Variants in ZSWIM6 observed in about 807,000 individuals in gnomAD.
ZSWIM6 encodes the protein zinc finger SWIM domain-containing protein 6.
In ZSWIM6, 9 loss-of-function variants were observed where a neutral mutation model predicts 113.2. That is an observed-to-expected ratio of 0.08 (90% confidence interval 0.05 to 0.14). The LOEUF (loss-of-function observed/expected upper bound fraction) is 0.14, where lower values mean the gene tolerates loss of function less well. ZSWIM6 is among the 10% of genes least tolerant of loss of function. ZSWIM6 has a pLI of 1.00. For synonymous variants in ZSWIM6, 611 were observed against 606.5 expected (o/e 1.01, Z -0.11); for missense variants, 1,162 against 1,552.2 (o/e 0.75, Z 4.22).
intron 1 of ZSWIM6, among the ~76,000 whole-genome samples, chr5:61,384,114 G>C (rs1043668060): frequency 1.1e-4 from 16 of 150,714 alleles, no homozygotes; most frequent in African/African-American, 3.9e-4. Context: ...GGTGGCGGGC[G>C]CCTGTAGTCC....
rs76205304 is a variant in ZSWIM6, at chr5:61,461,817, A to G, written c.677-10864A>G. ...CCCCCCAACCAACTAAAGCAAGGAA[A>G]ATAAAATATTACCTGTAATTACAGT... On this transcript the variant is annotated intron_variant, in intron 1 of 13. Coordinates refer to ENST00000252744, the MANE Select transcript of ZSWIM6 (RefSeq NM_020928.2). Among the ~76,000 whole-genome samples the G allele has an allele frequency of 6.1e-3, 926 of 152,324 alleles. 12 individuals carry two copies. Among genetic ancestry groups the G allele is most frequent in the African/African-American group, 0.021 (866 of 41,576 alleles).
intron 1 of ZSWIM6, among the ~76,000 whole-genome samples, chr5:61,462,203 C>T (rs1747335774): frequency 6.6e-6 from 1 of 152,190 alleles, no homozygotes; most frequent in African/African-American, 2.4e-5. Flanking sequence ...TACTAGTCTC[C>T]TTACTCTTGC....
intron 4 of ZSWIM6, among the ~76,000 whole-genome samples, chr5:61,506,481 G>T (rs1270013117): frequency 6.6e-6 from 1 of 151,948 alleles, no homozygotes; most frequent in Non-Finnish European, 1.5e-5. Context: ...TACTTGGGAG[G>T]CTAAGGTAGG....
At chr5:61,444,416 G>A (rs746420116) in intron 1 of ZSWIM6, among the ~76,000 whole-genome samples, 22 of 151,936 alleles carry the variant, frequency 1.4e-4, no homozygotes, top group Non-Finnish European at 1.6e-4. Context: ...ATACGTGTGC[G>A]TGTGTCTTTA....
chr5:61,419,138 G>A (rs1279289145), intron 1 of ZSWIM6, among the ~76,000 whole-genome samples: 1 of 152,168 alleles, frequency 6.6e-6, no homozygotes, highest in Non-Finnish European at 1.5e-5. Flanking sequence ...TTATAACTTA[G>A]TTGGGTTAGT....
chr5:61,482,042 A>G (rs1232227177), intron 2 of ZSWIM6, among the ~76,000 whole-genome samples: 1 of 152,224 alleles, frequency 6.6e-6, no homozygotes, highest in Non-Finnish European at 1.5e-5. Context: ...GGGAATATCT[A>G]ACAGCAAATG....
intron 4 of ZSWIM6, among the ~76,000 whole-genome samples, chr5:61,508,031 C>CT (rs1420899707): frequency 6.6e-6 from 1 of 152,136 alleles, no homozygotes; most frequent in East Asian, 1.9e-4. Context: ...TCCTGGCTCC[C>CT]TTAATAGCAG....
At chr5:61,517,778 A>ATTTATTTATTTAT (rs972739075) in intron 4 of ZSWIM6, among the ~76,000 whole-genome samples, 1 of 147,708 alleles carries the variant, frequency 6.8e-6, no homozygotes, top group African/African-American at 2.5e-5. Flanking sequence ...TAATTATTTA[A>ATTTATTTATTTAT]TTATTTATTT....
intron 1 of ZSWIM6, among the ~76,000 whole-genome samples, chr5:61,371,465 A>G (rs1290189179): frequency 1.3e-5 from 2 of 152,248 alleles, no homozygotes; most frequent in East Asian, 3.8e-4. Context: ...TTTTATTTTA[A>G]AGAGAAGCAC....
At chr5:61,368,669 G>T (rs1237295393) in intron 1 of ZSWIM6, among the ~76,000 whole-genome samples, 1 of 152,174 alleles carries the variant, frequency 6.6e-6, no homozygotes, top group East Asian at 1.9e-4. Flanking sequence ...GGTGTTAGTA[G>T]ATGAAACAAC....
intron 3 of ZSWIM6, among the ~76,000 whole-genome samples, chr5:61,492,556 A>C (rs1748208778): frequency 6.6e-6 from 1 of 152,092 alleles, no homozygotes; most frequent in Non-Finnish European, 1.5e-5. Flanking sequence ...TTGTTGTGAA[A>C]ATTAAATAGT....
intron 10 of ZSWIM6, 33 bp downstream of exon 10, chr5:61,535,652 G>A: frequency 1.3e-6 from 2 of 1,548,894 alleles, no homozygotes; most frequent in Non-Finnish European, 1.7e-6. Flanking sequence ...GGCAGAGGCA[G>A]GCCACATTCC....
chr5:61,411,326 C>T (rs1746144815), intron 1 of ZSWIM6, among the ~76,000 whole-genome samples: 1 of 152,114 alleles, frequency 6.6e-6, no homozygotes, highest in African/African-American at 2.4e-5. Flanking sequence ...CTAAGGTGAG[C>T]ACATTTTGAG....
At chr5:61,541,513 T>C (rs925670040) in intron 12 of ZSWIM6, among the ~76,000 whole-genome samples, 1 of 152,192 alleles carries the variant, frequency 6.6e-6, no homozygotes, top group Non-Finnish European at 1.5e-5. Flanking sequence ...GCCTCAGAAA[T>C]TGAACTATGG....
intron 4 of ZSWIM6, among the ~76,000 whole-genome samples, chr5:61,518,446 A>C (rs1361037449): frequency 9.9e-5 from 15 of 151,252 alleles, no homozygotes; most frequent in African/African-American, 3.2e-4. Flanking sequence ...CCTCTCCAGC[A>C]CCTGTTGTTT....
chr5:61,544,331 A>G lies in ZSWIM6; in HGVS notation c.*14A>G. On this transcript the variant is annotated 3_prime_UTR_variant, in exon 14 of 14. Coordinates refer to ENST00000252744, the MANE Select transcript of ZSWIM6 (RefSeq NM_020928.2). The stretch of plus-strand genomic sequence containing the variant: ...AGGTTTGGTTGATAGATCTTGTATG[A>G]ATGGGGTGGGGGGTGGGGATGGGAG... The G allele has an allele frequency of 4.6e-6, 1 of 216,272 alleles. No homozygotes were observed. Among genetic ancestry groups the G allele is most frequent in the Non-Finnish European group, 8.6e-6 (1 of 116,286 alleles). The allele number at this position is 216,272 out of a possible 1,614,324, so 13.4% of individuals were successfully genotyped here. A position where few individuals can be genotyped will look rare whatever the true frequency, so the allele number is the denominator to read the frequency against.
rs1279014457 is a variant in ZSWIM6, at chr5:61,332,531, G to A, written c.259G>A (p.Glu87Lys). 7.5e-7 allele frequency: 1 copy of A among 1,341,292 alleles called. No individual in the cohort carries two copies. The highest frequency in any genetic ancestry group is 2.5e-5 in the Admixed American group (1 of 40,014). 83.1% of individuals were successfully genotyped at this position (1,341,292 alleles called of 1,614,324 possible). The change falls in exon 1 of 14, where the codon GAG becomes AAG. Residue 87 changes from glutamate to lysine, a missense_variant. Physicochemically the swap from Glu to Lys is moderately conservative, Grantham distance 56. Around this residue, in one of 4 missense-constraint regions of ZSWIM6, gnomAD observed 333 missense variants for 293.4 expected, o/e 1.13. Transcript: ENST00000252744. ...LLDIAARRVA[E>K]KWPFQRVEER... is the part of the protein sequence containing the mutation. The stretch of plus-strand genomic sequence containing the variant: ...GGACATCGCGGCGCGCAGGGTGGCG[G>A]AGAAGTGGCCGTTCCAGCGCGTGGA...
intron 1 of ZSWIM6, among the ~76,000 whole-genome samples, chr5:61,397,616 G>A (rs999874709): frequency 6.6e-6 from 1 of 152,042 alleles, no homozygotes; most frequent in Non-Finnish European, 1.5e-5. Flanking sequence ...AATTCCAAAA[G>A]TAGCACACAC....
Position 61,392,747 on chromosome 5 carries a change from G to T in ZSWIM6, c.676+59799G>T, listed in dbSNP as rs548055038. 5.3e-5 allele frequency among the ~76,000 whole-genome samples: 8 copies of T among 151,908 alleles called. No individual in the cohort carries two copies. In the South Asian group the frequency reaches 1.7e-3, roughly 32 times the overall value. ...CCTGCCTCAGCCTCCTGAGTAGCCGGGATTACAGGCATCCGTCACCACCCC... is the reference window on the plus strand; with the variant it reads ...CCTGCCTCAGCCTCCTGAGTAGCCGTGATTACAGGCATCCGTCACCACCCC... On this transcript the variant is annotated intron_variant, in intron 1 of 13. Transcript: ENST00000252744.
Sources: gnomAD v4.1 joint callset for allele counts (sites outside exome capture counted in the v4.1 genomes callset) on GRCh38, gnomAD v4.1.1 for gene constraint, gnomAD v4.1.1 regional missense constraint, MANE v1.5 for transcripts, NCBI Gene and HGNC (gene_info 2026-07-23, HGNC 2026-07-21) for gene names.